The following VWA3A variants were observed in gnomAD, a reference collection of about 807,000 sequenced individuals.
VWA3A encodes von Willebrand factor A domain containing 3A.
Under a neutral mutation model 160.4 loss-of-function variants are expected in VWA3A, and 134 were observed. The observed-to-expected ratio is 0.84, with a 90% CI of 0.73 to 0.96. The LOEUF (loss-of-function observed/expected upper bound fraction) is 0.96. VWA3A is among the 40% of genes least tolerant of loss of function. VWA3A has a pLI of 0.00. For missense variants in VWA3A, 1,310 were observed against 1,447.9 expected (o/e 0.90, Z 1.55); for synonymous variants, 476 against 543.4 (o/e 0.88, Z 1.72).
At chr16:22,131,515 A>C (rs1298756866) in intron 18 of VWA3A, 70 bp from the exon 19 acceptor site, 1 of 1,584,210 alleles carries the variant, frequency 6.3e-7, no homozygotes, top group African/African-American at 1.3e-5. Flanking sequence ...AAAGGCTCTC[A>C]GCTACTCCCA....
chr16:22,118,731 G>A (rs1281435422), intron 11 of VWA3A, among the ~76,000 whole-genome samples, 171 bp from the exon 12 acceptor site: 1 of 152,296 alleles, frequency 6.6e-6, no homozygotes, highest in African/African-American at 2.4e-5. Flanking sequence ...CACAAACGGA[G>A]CACAGCATGT....
At chr16:22,100,566 G>A (rs1206817975) in intron 5 of VWA3A, 73 bp downstream of exon 5, 9 of 1,426,920 alleles carry the variant, frequency 6.3e-6, no homozygotes, top group Non-Finnish European at 7.7e-6. Context: ...CGGGCATGGT[G>A]GCTTATACCT....
At chr16:22,106,462 A>G (rs188691779) in intron 6 of VWA3A, among the ~76,000 whole-genome samples, 2 of 152,210 alleles carry the variant, frequency 1.3e-5, no homozygotes, top group East Asian at 1.9e-4. Flanking sequence ...ACAGGCACCT[A>G]AAGAAAGTGT....
intron 31 of VWA3A, among the ~76,000 whole-genome samples, chr16:22,153,448 G>T (rs1245803051): frequency 6.6e-6 from 1 of 152,162 alleles, no homozygotes; most frequent in Non-Finnish European, 1.5e-5. Flanking sequence ...CTGCATATTT[G>T]TGTCTTCTGG....
rs1227563263 is a variant in VWA3A at position 22,156,581 on chromosome 16, G to T, written c.*564G>T. On this transcript the variant is annotated 3_prime_UTR_variant, in exon 34 of 34. Coordinates refer to ENST00000389398, the MANE Select transcript of VWA3A (RefSeq NM_173615.5). ...TCCCAGGATCTGCAGGTCCCCAGAAGCTGCCACATAGGAGACACATGGTGA... is the reference window on the plus strand; with the variant it reads ...TCCCAGGATCTGCAGGTCCCCAGAATCTGCCACATAGGAGACACATGGTGA... 1 of 152,334 alleles carries T rather than the reference G, an allele frequency of 6.6e-6. No homozygotes were observed. The highest frequency in any genetic ancestry group is 1.9e-4 in the East Asian group (1 of 5,202). The allele number at this position is 152,334 out of a possible 1,614,324, so 9.4% of individuals were successfully genotyped here. A position where few individuals can be genotyped will look rare whatever the true frequency, so the allele number is the denominator to read the frequency against.
At chr16:22,109,289 T>C (rs556519048) in intron 6 of VWA3A, among the ~76,000 whole-genome samples, 193 bp from the exon 7 acceptor site, 1 of 152,276 alleles carries the variant, frequency 6.6e-6, no homozygotes, top group African/African-American at 2.4e-5. Context: ...TGCCACAAAA[T>C]AAGAGCAGAT....
chr16:22,101,360 A>G (rs1351827031), intron 5 of VWA3A, among the ~76,000 whole-genome samples: 1 of 152,262 alleles, frequency 6.6e-6, no homozygotes, highest in Non-Finnish European at 1.5e-5. Context: ...GATTGCGTTC[A>G]TAACTTTGCA....
intron 21 of VWA3A, among the ~76,000 whole-genome samples, chr16:22,137,488 T>G (rs540016022): frequency 6.6e-6 from 1 of 152,308 alleles, no homozygotes; most frequent in South Asian, 2.1e-4. Flanking sequence ...TAAGGTGGTC[T>G]TAGATGAGAA....
At chr16:22,093,089 A>G (rs182334874) in intron 1 of VWA3A, among the ~76,000 whole-genome samples, 2 of 152,172 alleles carry the variant, frequency 1.3e-5, no homozygotes, top group Non-Finnish European at 2.9e-5. Context: ...ACCTTTGCCT[A>G]AACTCTGGAC....
At chr16:22,109,642 T>C (rs2045526778) in intron 7 of VWA3A, 62 bp downstream of exon 7, 1 of 1,442,516 alleles carries the variant, frequency 6.9e-7, no homozygotes, top group Non-Finnish European at 9.6e-7. Context: ...CTTTCCTTCC[T>C]GAGCTTGCTG....
chr16:22,137,958 T>G (rs912290954), intron 21 of VWA3A, among the ~76,000 whole-genome samples: 1 of 152,212 alleles, frequency 6.6e-6, no homozygotes, highest in Non-Finnish European at 1.5e-5. Context: ...TGGGGCTATG[T>G]GCAGCCTGAT....
At chr16:22,138,302 T>C (rs1397281149) in intron 21 of VWA3A, 58 bp from the exon 22 acceptor site, 20 of 1,525,260 alleles carry the variant, frequency 1.3e-5, no homozygotes, top group Non-Finnish European at 1.8e-5. Context: ...TGTGTGTGTG[T>C]GTGTGTGTGT....
At chr16:22,111,079 G>T (rs2141872004) in intron 8 of VWA3A, 85 bp downstream of exon 8, 2 of 1,191,556 alleles carry the variant, frequency 1.7e-6, no homozygotes, top group Admixed American at 2.4e-5. Flanking sequence ...TAATTCAACT[G>T]CAAACCCCAG....
chr16:22,097,494 GC>G (rs1201961166), intron 2 of VWA3A, 77 bp from the exon 3 acceptor site: 1 of 1,520,754 alleles, frequency 6.6e-7, no homozygotes, highest in Non-Finnish European at 8.8e-7. Context: ...AGGGACTAGG[GC>G]AAAGAGAGGA....
Position 22,103,521 on chromosome 16 carries a change from A to G in VWA3A, c.475A>G (p.Ser159Gly), listed in dbSNP as rs766484904. Residue 159 changes from serine to glycine, a missense_variant, in exon 6 of 34, where the codon AGC (serine) becomes GGC (glycine). By Grantham distance (56) the Ser-to-Gly change is moderately conservative. Transcript: ENST00000389398. ...GAGAATTCAGTGGCTCACAGAAAAC[A>G]GCAAGAAGGTAACGGGCATAGATTT... ...QERIQWLTENSKKAFGLIKGA... is the reference protein window; with the variant it reads ...QERIQWLTENGKKAFGLIKGA... 1.9e-6 allele frequency: 3 copies of G among 1,551,884 alleles called. No homozygotes were observed. The highest frequency in any genetic ancestry group is 2.6e-6 in the Non-Finnish European group (3 of 1,147,006).
chr16:22,125,098 G>T (rs1369687389), intron 16 of VWA3A, among the ~76,000 whole-genome samples: 3 of 151,810 alleles, frequency 2.0e-5, no homozygotes, highest in African/African-American at 7.3e-5. Flanking sequence ...CCAACCTATG[G>T]CGGGCATAGT....
At chr16:22,129,142 C>G (rs1333481972) in intron 17 of VWA3A, among the ~76,000 whole-genome samples, 1 of 151,130 alleles carries the variant, frequency 6.6e-6, no homozygotes, top group Non-Finnish European at 1.5e-5. Context: ...GTAATCCCAG[C>G]ACTTTGAGAG....
At chr16:22,147,009 G>T (rs2046264926) in intron 27 of VWA3A, among the ~76,000 whole-genome samples, 1 of 152,128 alleles carries the variant, frequency 6.6e-6, no homozygotes, top group Admixed American at 6.5e-5. Context: ...AAGGGGAACT[G>T]ACAGAGCAGA....
intron 22 of VWA3A, among the ~76,000 whole-genome samples, chr16:22,138,762 C>T (rs1454460930): frequency 6.6e-6 from 1 of 152,028 alleles, no homozygotes; most frequent in Non-Finnish European, 1.5e-5. Context: ...CCAGCCTTTT[C>T]CCTACCCTGG....
Sources: allele counts gnomAD v4.1 joint callset (sites outside exome capture counted in the v4.1 genomes callset), GRCh38; gene constraint gnomAD v4.1.1; transcripts MANE v1.5; gene names NCBI Gene and HGNC (gene_info 2026-07-23, HGNC 2026-07-21).